Variants in PTPRM observed in about 807,000 individuals in gnomAD.
PTPRM encodes the protein protein tyrosine phosphatase receptor type M.
A neutral mutation model predicts 186.7 loss-of-function variants in PTPRM; 47 were observed. The observed-to-expected ratio is 0.25, with a 90% CI of 0.20 to 0.32. The LOEUF (loss-of-function observed/expected upper bound fraction) is 0.32. PTPRM is among the 10% of genes least tolerant of loss of function. The pLI is 1.00. For missense variants in PTPRM, 1,494 were observed against 1,865.0 expected (o/e 0.80, Z 3.66); for synonymous variants, 668 against 674.9 (o/e 0.99, Z 0.16).
chr18:7,899,612 G>GT (rs2049552134), intron 3 of PTPRM, among the ~76,000 whole-genome samples: 1 of 152,018 alleles, frequency 6.6e-6, no homozygotes, highest in Non-Finnish European at 1.5e-5. Context: ...AAAAATGTTT[G>GT]TTTCAGTAAA....
chr18:8,190,026 A>G (rs965921739), intron 14 of PTPRM, among the ~76,000 whole-genome samples: 1 of 152,204 alleles, frequency 6.6e-6, no homozygotes, highest in African/African-American at 2.4e-5. Context: ...TAAATGACTT[A>G]TAACAACTAT....
chr18:8,139,446 C>T (rs557952), intron 13 of PTPRM, among the ~76,000 whole-genome samples: 98,833 of 152,070 alleles, frequency 0.65, 33,788 homozygotes, highest in East Asian at 0.89. Flanking sequence ...CACCGTGGCC[C>T]GCTACAGCCT....
At chr18:7,906,050 C>T (rs989472250) in intron 3 of PTPRM, among the ~76,000 whole-genome samples, 4 of 152,260 alleles carry the variant, frequency 2.6e-5, no homozygotes, top group Admixed American at 1.3e-4. Context: ...ACAAGCTCAA[C>T]CCTGGCTTTG....
chr18:8,131,510 GCACACTGAATAGAA>G (rs1413742554), intron 13 of PTPRM, among the ~76,000 whole-genome samples: 6 of 152,156 alleles, frequency 3.9e-5, no homozygotes, highest in Non-Finnish European at 7.3e-5. Context: ...CTGCCACCCA[GCACACTGAATAGAA>G]CACCAGGCTC....
At chr18:8,266,480 A>G (rs762724756) in intron 19 of PTPRM, among the ~76,000 whole-genome samples, 3 of 152,196 alleles carry the variant, frequency 2.0e-5, no homozygotes, top group Non-Finnish European at 2.9e-5. Context: ...CACATGTATC[A>G]TTCAGAACAC....
At chr18:8,332,461 G>T (rs34112087) in intron 22 of PTPRM, among the ~76,000 whole-genome samples, 49,252 of 152,068 alleles carry the variant, frequency 0.32, 8,486 homozygotes, top group Admixed American at 0.47. Context: ...ATGAAACTAA[G>T]TATGTAGAGA....
intron 2 of PTPRM, among the ~76,000 whole-genome samples, chr18:7,849,245 C>G (rs1345249114): frequency 2.0e-5 from 3 of 152,158 alleles, no homozygotes. Flanking sequence ...TAAAATGTCT[C>G]AAGTTTCATT....
chr18:8,077,099 A>G (rs1278244756), intron 9 of PTPRM, among the ~76,000 whole-genome samples: 1 of 152,208 alleles, frequency 6.6e-6, no homozygotes, highest in Non-Finnish European at 1.5e-5. Context: ...GATAGATAGC[A>G]GAGAAGAATT....
intron 5 of PTPRM, among the ~76,000 whole-genome samples, chr18:7,930,296 A>G (rs2051408609): frequency 6.6e-6 from 1 of 152,020 alleles, no homozygotes; most frequent in Non-Finnish European, 1.5e-5. Flanking sequence ...TCTCAAACTC[A>G]TGGGCTCAAG....
chr18:7,596,867 C>CT (rs908246085), intron 1 of PTPRM, among the ~76,000 whole-genome samples: 38 of 148,464 alleles, frequency 2.6e-4, no homozygotes, highest in African/African-American at 7.2e-4. Context: ...CCTTTATTTT[C>CT]TTTTTTTTCA....
chr18:7,583,395 A>G (rs936558646), intron 1 of PTPRM, among the ~76,000 whole-genome samples: 1 of 152,208 alleles, frequency 6.6e-6, no homozygotes, highest in Non-Finnish European at 1.5e-5. Context: ...GACAGTGGCT[A>G]CAGCTGATTT....
At chr18:8,132,738 A>G (rs1357361833) in intron 13 of PTPRM, among the ~76,000 whole-genome samples, 2 of 152,182 alleles carry the variant, frequency 1.3e-5, no homozygotes, top group Admixed American at 1.3e-4. Flanking sequence ...TCTCTCTGAT[A>G]TGTACCTAGT....
chr18:7,690,765 A>G (rs1163064163), intron 1 of PTPRM, among the ~76,000 whole-genome samples: 2 of 152,214 alleles, frequency 1.3e-5, no homozygotes, highest in African/African-American at 2.4e-5. Context: ...ATTAACTCTT[A>G]TTGCCTTGAT....
intron 22 of PTPRM, among the ~76,000 whole-genome samples, chr18:8,327,344 A>C (rs1203193982): frequency 2.0e-5 from 3 of 152,214 alleles, no homozygotes; most frequent in Non-Finnish European, 2.9e-5. Context: ...AACTGTAACC[A>C]CCCATCAGAC....
chr18:8,165,169 A>C (rs1484538474), intron 14 of PTPRM, among the ~76,000 whole-genome samples: 3 of 81,692 alleles, frequency 3.7e-5, no homozygotes, highest in Non-Finnish European at 6.9e-5. Flanking sequence ...CTCCATCTCA[A>C]AAAAAAAAAA....
At chr18:8,245,449 G>A (rs906943439) in intron 15 of PTPRM, among the ~76,000 whole-genome samples, 3 of 152,064 alleles carry the variant, frequency 2.0e-5, no homozygotes, top group Non-Finnish European at 4.4e-5. Flanking sequence ...GTCATTTTCA[G>A]TGCAGGAAAT....
At chr18:7,779,306 A>C (rs1048047668) in intron 2 of PTPRM, among the ~76,000 whole-genome samples, 8 of 152,170 alleles carry the variant, frequency 5.3e-5, no homozygotes, top group Non-Finnish European at 1.2e-4. Context: ...CATAAAGCTC[A>C]TTTAGCTTTC....
In PTPRM at chr18:7,773,445, G is replaced by A. The variant is rs78598749; in HGVS notation, c.74-704G>A. 6.2e-3 allele frequency among the ~76,000 whole-genome samples: 946 copies of A among 151,872 alleles called. 7 individuals carry two copies. Among genetic ancestry groups the A allele is most frequent in the African/African-American group, 0.021 (871 of 41,456 alleles). On this transcript the variant is annotated intron_variant, in intron 1 of 32. Transcript: ENST00000580170. ...AATGTTTCTTCTTTATTGAAAACAT[G>A]TTGAACATTTAAGTCAGTTCTCTTA... is the stretch of plus-strand genomic sequence containing the variant.
chr18:8,067,837 G>C (rs889502483), intron 7 of PTPRM, among the ~76,000 whole-genome samples: 1 of 152,214 alleles, frequency 6.6e-6, no homozygotes. Context: ...CTCGTCTATA[G>C]AATTAGCAGG....
Sources: allele counts gnomAD v4.1 joint callset (sites outside exome capture counted in the v4.1 genomes callset), GRCh38; gene constraint gnomAD v4.1.1; transcripts MANE v1.5; gene names NCBI Gene and HGNC (gene_info 2026-07-23, HGNC 2026-07-21).